The following RORA variants were observed in gnomAD, a reference collection of about 807,000 sequenced individuals.
RORA encodes nuclear receptor ROR-alpha.
Under a neutral mutation model 69.5 loss-of-function variants are expected in RORA, and 7 were observed. The observed-to-expected ratio is 0.10, with a 90% CI of 0.06 to 0.19. The LOEUF (loss-of-function observed/expected upper bound fraction) is 0.19. Ranked by LOEUF, RORA falls within the 10% of genes least tolerant of loss-of-function variation. The pLI, the probability that RORA is intolerant of heterozygous loss-of-function variation, is 1.00. For missense variants in RORA, 457 were observed against 663.0 expected (o/e 0.69, Z 3.41); for synonymous variants, 261 against 240.8 (o/e 1.08, Z -0.78).
chr15:61,198,256 G>A (rs868075265), intron 1 of RORA, among the ~76,000 whole-genome samples: 72 of 152,258 alleles, frequency 4.7e-4, no homozygotes, highest in African/African-American at 1.7e-3. Context: ...CAGACAGCCA[G>A]GTTCTTTTAA....
intron 1 of RORA, among the ~76,000 whole-genome samples, chr15:60,863,129 C>T (rs8041466): frequency 0.34 from 52,279 of 152,008 alleles, 9,215 homozygotes; most frequent in South Asian, 0.37. Context: ...TCTAGGAATA[C>T]TGGAATATTA....
intron 1 of RORA, among the ~76,000 whole-genome samples, chr15:61,152,417 T>A (rs1228044441): frequency 6.6e-6 from 1 of 151,884 alleles, no homozygotes; most frequent in Non-Finnish European, 1.5e-5. Flanking sequence ...ATCAAACATG[T>A]TTATGAGCAA....
rs115762043 is a variant in RORA at position 60,786,871 on chromosome 15, C to A, written c.167-108185G>T. 6.7e-3 allele frequency among the ~76,000 whole-genome samples: 1,024 copies of A among 152,266 alleles called. 9 individuals are homozygous for A. The highest frequency in any genetic ancestry group is 0.022 in the African/African-American group (923 of 41,558). On this transcript the variant is annotated intron_variant, in intron 1 of 10. Coordinates refer to ENST00000335670, the MANE Select transcript of RORA (RefSeq NM_134261.3). ...GTAAAGTCTTTCTGGAGTCTCAGCT[C>A]GTGATAGGCATTTAGCAACCTTCCC... is the stretch of plus-strand genomic sequence containing the variant.
chr15:60,489,862 A>G lies in RORA; in HGVS notation c.*7593T>C, dbSNP rs969564310. On this transcript the variant is annotated 3_prime_UTR_variant, in exon 11 of 11. Coordinates refer to ENST00000335670, the MANE Select transcript of RORA (RefSeq NM_134261.3). ...ATTCCTTAATAAGAAAAAAAAGTAT[A>G]TTACTCCATTAAACAAGTTTCTTTA... 1 of 152,158 alleles carries G rather than the reference A, an allele frequency of 6.6e-6. No individual in the cohort carries two copies. The highest frequency in any genetic ancestry group is 2.4e-5 in the African/African-American group (1 of 41,440). The allele number at this position is 152,158 out of a possible 1,614,324, so 9.4% of individuals were successfully genotyped here.
At chr15:61,057,733 A>T (rs2140526148) in intron 1 of RORA, among the ~76,000 whole-genome samples, 1 of 152,334 alleles carries the variant, frequency 6.6e-6, no homozygotes, top group East Asian at 1.9e-4. Context: ...TAGCCTTTGT[A>T]CAGGGCCACC....
chr15:60,645,985 A>G (rs148980544), intron 2 of RORA, among the ~76,000 whole-genome samples: 278 of 152,342 alleles, frequency 1.8e-3, no homozygotes, highest in Admixed American at 8.1e-3. Flanking sequence ...TGAGCATGAA[A>G]ACACAACTTC....
At chr15:61,123,749 C>T (rs1390862265) in intron 1 of RORA, among the ~76,000 whole-genome samples, 1 of 151,692 alleles carries the variant, frequency 6.6e-6, no homozygotes, top group Non-Finnish European at 1.5e-5. Flanking sequence ...AGCACAGCTC[C>T]AGCAGAGGCC....
chr15:60,699,970 C>G (rs1024338340), intron 1 of RORA, among the ~76,000 whole-genome samples: 1 of 152,150 alleles, frequency 6.6e-6, no homozygotes, highest in African/African-American at 2.4e-5. Flanking sequence ...TGAAATGACA[C>G]TGCTGAGACT....
At chr15:60,516,520 C>T (rs1447740622) in intron 3 of RORA, among the ~76,000 whole-genome samples, 3 of 151,458 alleles carry the variant, frequency 2.0e-5, no homozygotes, top group Non-Finnish European at 4.4e-5. Flanking sequence ...GAATTATTAC[C>T]TTCAAAGCTT....
intron 1 of RORA, among the ~76,000 whole-genome samples, chr15:61,124,859 A>G (rs903105733): frequency 2.6e-5 from 4 of 152,176 alleles, no homozygotes; most frequent in Non-Finnish European, 4.4e-5. Flanking sequence ...CTGACCTCAC[A>G]TGACTCTATC....
intron 1 of RORA, among the ~76,000 whole-genome samples, chr15:60,695,865 C>G (rs940573550): frequency 7.2e-5 from 11 of 151,956 alleles, no homozygotes; most frequent in African/African-American, 2.7e-4. Context: ...AGTGACTAAT[C>G]AGAGTGAAGA....
intron 2 of RORA, among the ~76,000 whole-genome samples, chr15:60,648,077 T>G (rs2070083186): frequency 6.6e-6 from 1 of 152,178 alleles, no homozygotes; most frequent in Admixed American, 6.5e-5. Flanking sequence ...TAAGGCAGAC[T>G]GAGGGAGGAG....
At chr15:60,643,020 G>A (rs73424102) in intron 2 of RORA, among the ~76,000 whole-genome samples, 4,731 of 152,070 alleles carry the variant, frequency 0.031, 132 homozygotes, top group African/African-American at 0.076. Context: ...AGTTGGGCCT[G>A]GTGAAGTGCA....
At chr15:60,774,181 G>A (rs993530611) in intron 1 of RORA, among the ~76,000 whole-genome samples, 1 of 152,218 alleles carries the variant, frequency 6.6e-6, no homozygotes, top group Non-Finnish European at 1.5e-5. Context: ...GCAGTTCCCT[G>A]CTTTCTACCT....
intron 2 of RORA, among the ~76,000 whole-genome samples, chr15:60,571,396 T>G (rs560436614): frequency 1.3e-5 from 2 of 152,322 alleles, no homozygotes; most frequent in East Asian, 3.9e-4. Flanking sequence ...GTGCTGTTAC[T>G]CTTAACTAGA....
chr15:61,094,925 G>C (rs769371891), intron 1 of RORA, among the ~76,000 whole-genome samples: 6 of 152,224 alleles, frequency 3.9e-5, no homozygotes, highest in Non-Finnish European at 8.8e-5. Context: ...GTTTCACCAG[G>C]CAGAGAAAAG....
At chr15:60,590,442 G>A (rs534225275) in intron 2 of RORA, among the ~76,000 whole-genome samples, 2 of 152,102 alleles carry the variant, frequency 1.3e-5, no homozygotes, top group Non-Finnish European at 2.9e-5. Context: ...ATATTAAAAC[G>A]TACTTTCCTT....
At chr15:61,063,110 C>T (rs2078209788) in intron 1 of RORA, among the ~76,000 whole-genome samples, 1 of 152,194 alleles carries the variant, frequency 6.6e-6, no homozygotes, top group Non-Finnish European at 1.5e-5. Flanking sequence ...CAGGCTGGCC[C>T]TGTGAAGCCC....
intron 1 of RORA, among the ~76,000 whole-genome samples, chr15:61,092,315 C>T (rs2078719815): frequency 6.6e-6 from 1 of 152,166 alleles, no homozygotes; most frequent in Non-Finnish European, 1.5e-5. Flanking sequence ...TAAGTCTAAT[C>T]AAGGAAACTT....
Sources: allele counts gnomAD v4.1 joint callset (sites outside exome capture counted in the v4.1 genomes callset), GRCh38; gene constraint gnomAD v4.1.1; transcripts MANE v1.5; gene names NCBI Gene and HGNC (gene_info 2026-07-23, HGNC 2026-07-21).